SMG1: variants seen among roughly 807,000 people sequenced by gnomAD.
SMG1 encodes serine/threonine-protein kinase SMG1.
Under a neutral mutation model 419.9 loss-of-function variants are expected in SMG1, and 22 were observed. The ratio of observed to expected loss-of-function variants is 0.05; its 90% CI spans 0.04 to 0.07. The LOEUF (loss-of-function observed/expected upper bound fraction) is 0.07. Among genes scored for constraint, SMG1 ranks in the 10% least tolerant of loss-of-function variants. The pLI is 1.00. For missense variants in SMG1, 3,185 were observed against 4,342.0 expected (o/e 0.73, Z 7.49); for synonymous variants, 1,538 against 1,553.5 (o/e 0.99, Z 0.23).
At position 18,845,664 on chromosome 16, in the gene SMG1, A is replaced by G. The variant is rs2141337855; in HGVS notation, c.5997-13T>C. The G allele has an allele frequency of 3.1e-6, 5 of 1,593,642 alleles. No homozygotes were observed. The East Asian group carries it at 1.1e-4, about 36-fold the overall frequency. ...AATTTTCTCTTCTCTGACCAAGAAG[A>G]CATTTTTATTCAAAAACTTAAATGT... On this transcript the variant is annotated splice_polypyrimidine_tract_variant and intron_variant, in intron 38 of 62. Transcript: ENST00000446231.
At chr16:18,815,918 T>C (rs1596460182) in intron 58 of SMG1, 1 of 481,416 alleles carries the variant, frequency 2.1e-6, no homozygotes, top group Non-Finnish European at 3.7e-6. Context: ...TACTAGACTA[T>C]GTACAACACT....
chr16:18,830,142 C>A, intron 52 of SMG1, 27 bp from the exon 53 acceptor site: 6 of 1,600,846 alleles, frequency 3.7e-6, no homozygotes, highest in African/African-American at 1.3e-5. Flanking sequence ...AAACAAAGTT[C>A]ATTTCTCCAC....
chr16:18,881,101 G>A (rs2036373890), intron 10 of SMG1, among the ~76,000 whole-genome samples: 1 of 149,764 alleles, frequency 6.7e-6, no homozygotes, highest in Admixed American at 6.7e-5. Context: ...CTGGGTGACA[G>A]AGTGAGGCTC....
intron 10 of SMG1, among the ~76,000 whole-genome samples, chr16:18,880,572 G>A (rs930793329): frequency 3.3e-5 from 5 of 152,020 alleles, no homozygotes; most frequent in African/African-American, 1.2e-4. Context: ...TAAATTAGTT[G>A]GGCATGGTGG....
At chr16:18,897,265 A>G (rs1158826698) in intron 1 of SMG1, among the ~76,000 whole-genome samples, 1 of 152,166 alleles carries the variant, frequency 6.6e-6, no homozygotes, top group Non-Finnish European at 1.5e-5. Context: ...TCCCAGGCAA[A>G]ACAGAACAAT....
intron 1 of SMG1, among the ~76,000 whole-genome samples, chr16:18,913,416 A>C (rs969527547): frequency 1.3e-5 from 2 of 152,100 alleles, no homozygotes; most frequent in African/African-American, 4.8e-5. Flanking sequence ...TTGAAATGCT[A>C]AAGGGAACAG....
intron 5 of SMG1, among the ~76,000 whole-genome samples, chr16:18,890,158 G>C (rs572782917): frequency 6.6e-6 from 1 of 152,308 alleles, no homozygotes; most frequent in Admixed American, 6.5e-5. Flanking sequence ...CTAATAGCCA[G>C]AGAATATATG....
At chr16:18,821,221 C>CTTTTT (rs869238782) in intron 55 of SMG1, among the ~76,000 whole-genome samples, 30 of 35,590 alleles carry the variant, frequency 8.4e-4, no homozygotes, top group East Asian at 2.4e-3. Flanking sequence ...TAGTATGTTT[C>CTTTTT]TTTTTTTTTT....
intron 55 of SMG1, among the ~76,000 whole-genome samples, chr16:18,820,368 A>C (rs951442702): frequency 6.7e-6 from 1 of 149,656 alleles, no homozygotes; most frequent in African/African-American, 2.5e-5. Context: ...ATGCCCAACT[A>C]ATTTTTTGTA....
Position 18,842,470 on chromosome 16 carries a change from G to A in SMG1, c.6220-16C>T, listed in dbSNP as rs979956049. 2 of 1,606,114 alleles carry A rather than the reference G, an allele frequency of 1.2e-6. No homozygotes were observed. The highest frequency in any genetic ancestry group is 1.7e-6 in the Non-Finnish European group (2 of 1,174,638). On this transcript the variant is annotated splice_polypyrimidine_tract_variant and intron_variant, in intron 39 of 62. Transcript: ENST00000446231. Reference sequence around the variant, plus strand: ...TTAGCATTATCTATATTCATAAGATGGGAGAAACAAATTTACATTACATTA... The same window carrying A: ...TTAGCATTATCTATATTCATAAGATAGGAGAAACAAATTTACATTACATTA...
intron 36 of SMG1, 103 bp from the exon 37 acceptor site, chr16:18,848,136 AT>A (rs2034373593): frequency 2.1e-6 from 2 of 951,536 alleles, no homozygotes; most frequent in East Asian, 2.5e-5. Context: ...AAGAGCACTC[AT>A]TGAACTCATT....
intron 38 of SMG1, 65 bp downstream of exon 38, chr16:18,847,388 T>A: frequency 6.4e-7 from 1 of 1,551,800 alleles, no homozygotes; most frequent in Non-Finnish European, 8.8e-7. Context: ...GTAAATTTTA[T>A]GTTATTTATA....
chr16:18,911,531 G>C (rs1451167139), intron 1 of SMG1: 1 of 152,032 alleles, frequency 6.6e-6, no homozygotes, highest in African/African-American at 2.4e-5. Context: ...TGTAGAAAGA[G>C]AGCCACTCCA....
chr16:18,895,324 C>A (rs1355857348), intron 3 of SMG1, among the ~76,000 whole-genome samples: 1 of 151,790 alleles, frequency 6.6e-6, no homozygotes, highest in African/African-American at 2.4e-5. Context: ...ACTAAAAATG[C>A]AAAAATCAGC....
intron 6 of SMG1, among the ~76,000 whole-genome samples, chr16:18,888,687 C>T (rs1022387356): frequency 2.0e-5 from 3 of 151,648 alleles, no homozygotes; most frequent in Admixed American, 1.3e-4. Context: ...TGGATGGTTT[C>T]GATCTCTTGA....
chr16:18,840,745 G>C (rs1188832142), intron 41 of SMG1, among the ~76,000 whole-genome samples: 1 of 152,068 alleles, frequency 6.6e-6, no homozygotes, highest in Non-Finnish European at 1.5e-5. Flanking sequence ...GTTTTAAAGC[G>C]ATTATTTACA....
chr16:18,810,290 T>C (rs1439052005), intron 62 of SMG1, among the ~76,000 whole-genome samples: 1 of 152,150 alleles, frequency 6.6e-6, no homozygotes, highest in Non-Finnish European at 1.5e-5. Context: ...TGATGTTGCA[T>C]TCCTTCCAAA....
chr16:18,919,808 G>T (rs1356672607), intron 1 of SMG1, among the ~76,000 whole-genome samples: 3 of 151,122 alleles, frequency 2.0e-5, no homozygotes, highest in Admixed American at 6.6e-5. Context: ...CAAAACAAAA[G>T]GGGTTGGGGG....
At chr16:18,919,456 C>T (rs552041993) in intron 1 of SMG1, among the ~76,000 whole-genome samples, 16 of 151,902 alleles carry the variant, frequency 1.1e-4, no homozygotes, top group African/African-American at 3.1e-4. Context: ...AACCCCATCT[C>T]TACTAAAAAT....
Sources: gnomAD v4.1 joint callset for allele counts (sites outside exome capture counted in the v4.1 genomes callset) on GRCh38, gnomAD v4.1.1 for gene constraint, MANE v1.5 for transcripts, NCBI Gene and HGNC (gene_info 2026-07-23, HGNC 2026-07-21) for gene names.